The following PCDHGA3 variants were observed in gnomAD, a reference collection of about 807,000 sequenced individuals.
The protein encoded by PCDHGA3 is protocadherin gamma-A3.
Under a neutral mutation model 58.5 loss-of-function variants are expected in PCDHGA3, and 40 were observed. The ratio of observed to expected loss-of-function variants is 0.68; its 90% CI spans 0.53 to 0.89. The LOEUF (loss-of-function observed/expected upper bound fraction) is 0.89, where lower values mean the gene tolerates loss of function less well. Among genes scored for constraint, PCDHGA3 ranks in the 40% least tolerant of loss-of-function variants. The pLI, the probability that PCDHGA3 is intolerant of heterozygous loss-of-function variation, is 0.00. For missense variants in PCDHGA3, 1,223 were observed against 1,195.9 expected, an observed-to-expected ratio of 1.02 and a Z score of -0.33; for synonymous variants, 530 against 525.7, an observed-to-expected ratio of 1.01 and a Z score of -0.11.
In PCDHGA3 at chr5:141,404,747, G is replaced by A. The variant is rs142282950; in HGVS notation, c.2424+58290G>A. 3.0e-4 allele frequency: 483 copies of A among 1,614,062 alleles called. 2 individuals carry two copies. The African/African-American group carries it at 5.3e-3, about 18-fold the overall frequency. On this transcript the variant is annotated intron_variant, in intron 1 of 3. Coordinates refer to ENST00000253812, the MANE Select transcript of PCDHGA3 (RefSeq NM_018916.4). ...GGTGGTGGCAGTGGACAGAGACTCA[G>A]GCCAGAATGCTTGGCTCTCCTACCG...
chr5:141,358,067 G>A (rs78973624), intron 1 of PCDHGA3, among the ~76,000 whole-genome samples: 2,212 of 152,258 alleles, frequency 0.015, 49 homozygotes, highest in African/African-American at 0.049. Context: ...GTGTGTGCCC[G>A]TAGTCCCAGC....
At position 141,486,121 on chromosome 5, in the gene PCDHGA3, T is replaced by C. The variant is rs371827617; in HGVS notation, c.2425-8686T>C. 5.6e-6 allele frequency: 9 copies of C among 1,614,086 alleles called. No individual in the cohort carries two copies. The highest frequency in any genetic ancestry group is 2.2e-5 in the South Asian group (2 of 91,082). ...TAGACTTTGAGAGTGAGAATTACTATGAATTTGATGTGCGGGCTCGCGATG... is the reference window on the plus strand; with the variant it reads ...TAGACTTTGAGAGTGAGAATTACTACGAATTTGATGTGCGGGCTCGCGATG... On this transcript the variant is annotated intron_variant, in intron 1 of 3. Coordinates refer to ENST00000253812, the MANE Select transcript of PCDHGA3 (RefSeq NM_018916.4). This position sits in a 1 kb window ranked among gnomAD's most constrained non-coding sequence, Gnocchi z 5.0.
At chr5:141,369,788 C>G (rs187476843) in intron 1 of PCDHGA3, among the ~76,000 whole-genome samples, 1 of 152,338 alleles carries the variant, frequency 6.6e-6, no homozygotes, top group East Asian at 1.9e-4. Context: ...CCTCTTTATA[C>G]TACGTCTTCT....
Position 141,485,790 on chromosome 5 carries a change from C to G in PCDHGA3, c.2425-9017C>G. 6.2e-7 allele frequency: 1 copy of G among 1,614,204 alleles called. No homozygotes were observed. The highest frequency in any genetic ancestry group is 8.5e-7 in the Non-Finnish European group (1 of 1,180,032). ...AAGCCTTTGGATCGAGAGAAGCAAT[C>G]GGACTACCGCCTGGTGCTGACTGCT... On this transcript the variant is annotated intron_variant, in intron 1 of 3. Transcript: ENST00000253812. This position sits in a 1 kb window ranked among gnomAD's most constrained non-coding sequence, Gnocchi z 5.7.
intron 1 of PCDHGA3, chr5:141,371,721 C>A: frequency 6.2e-7 from 1 of 1,614,084 alleles, no homozygotes; most frequent in Non-Finnish European, 8.5e-7. Flanking sequence ...TCTGCACATC[C>A]TTGATGTCAA....
chr5:141,428,344 G>T (rs970552377), intron 1 of PCDHGA3: 3 of 596,498 alleles, frequency 5.0e-6, no homozygotes, highest in Non-Finnish European at 6.1e-6. Flanking sequence ...CTTCTTCCTC[G>T]CAGTGATTTT....
chr5:141,421,384 C>T (rs960627405), intron 1 of PCDHGA3: 5 of 1,613,928 alleles, frequency 3.1e-6, no homozygotes, highest in Non-Finnish European at 4.2e-6. Context: ...CTCCAAGGAC[C>T]TGGGGCTGGA....
chr5:141,368,869 C>A (rs1351748629), intron 1 of PCDHGA3, among the ~76,000 whole-genome samples: 2 of 152,124 alleles, frequency 1.3e-5, no homozygotes, highest in Non-Finnish European at 2.9e-5. Context: ...TGTTTTGGAG[C>A]AAAGTCTTGA....
intron 1 of PCDHGA3, among the ~76,000 whole-genome samples, chr5:141,443,577 G>A (rs567410923): frequency 1.3e-5 from 2 of 152,284 alleles, no homozygotes; most frequent in South Asian, 4.1e-4. Context: ...ATGGACTTGA[G>A]CTAAAACAGA....
Position 141,489,564 on chromosome 5 carries a change from G to A in PCDHGA3, c.2425-5243G>A, listed in dbSNP as rs375200685. The A allele has an allele frequency of 1.9e-6, 3 of 1,613,980 alleles. No homozygotes were observed. Among genetic ancestry groups the A allele is most frequent in the Non-Finnish European group, 1.7e-6 (2 of 1,180,020 alleles). On this transcript the variant is annotated intron_variant, in intron 1 of 3. Transcript: ENST00000253812. This position sits in a 1 kb window ranked among gnomAD's most constrained non-coding sequence, Gnocchi z 4.5. Reference sequence around the variant, plus strand: ...CCAGCTGCCTGCTGCCAGTGCAGGTGGTGACTGAACACCCCCTGGAGCTAA... The same window carrying A: ...CCAGCTGCCTGCTGCCAGTGCAGGTAGTGACTGAACACCCCCTGGAGCTAA...
At chr5:141,419,259 C>T (rs765877993) in intron 1 of PCDHGA3, 2 of 1,613,900 alleles carry the variant, frequency 1.2e-6, no homozygotes, top group South Asian at 2.2e-5. Flanking sequence ...AACAACCAGC[C>T]GGGTGCCTCC....
At chr5:141,405,038 G>T in intron 1 of PCDHGA3, 1 of 1,613,964 alleles carries the variant, frequency 6.2e-7, no homozygotes, top group Non-Finnish European at 8.5e-7. Flanking sequence ...CCTCGTTGTG[G>T]CTGTGGCAGT....
intron 1 of PCDHGA3, among the ~76,000 whole-genome samples, chr5:141,437,614 A>G (rs113599071): frequency 3.1e-4 from 47 of 152,242 alleles, no homozygotes; most frequent in Non-Finnish European, 5.1e-4. Flanking sequence ...AATCTGCTTT[A>G]TCCCCATATA....
At chr5:141,479,120 A>T (rs1278879959) in intron 1 of PCDHGA3, among the ~76,000 whole-genome samples, 1 of 152,232 alleles carries the variant, frequency 6.6e-6, no homozygotes, top group Non-Finnish European at 1.5e-5. Context: ...TTCTACTGGA[A>T]ATGATGTGCA....
intron 1 of PCDHGA3, among the ~76,000 whole-genome samples, chr5:141,455,419 G>T (rs1462099602): frequency 6.6e-6 from 1 of 152,124 alleles, no homozygotes; most frequent in Non-Finnish European, 1.5e-5. Flanking sequence ...AGGGAGCGGG[G>T]CTCCAAAAGA....
Position 141,489,748 on chromosome 5 carries a change from T to G in PCDHGA3, c.2425-5059T>G. 6.2e-7 allele frequency: 1 copy of G among 1,614,156 alleles called. No homozygotes were observed. Among genetic ancestry groups the G allele is most frequent in the African/African-American group, 1.3e-5 (1 of 75,054 alleles). On this transcript the variant is annotated intron_variant, in intron 1 of 3. Transcript: ENST00000253812. This position sits in a 1 kb window ranked among gnomAD's most constrained non-coding sequence, Gnocchi z 4.5. ...TGTGGGCACCAATACTGTGAGCTTTTACACTCTAAGCCCCAACAGCCACTT... is the reference window on the plus strand; with the variant it reads ...TGTGGGCACCAATACTGTGAGCTTTGACACTCTAAGCCCCAACAGCCACTT...
In PCDHGA3 at chr5:141,426,211, G is replaced by A. The variant is rs184669298; in HGVS notation, c.2425-68596G>A. On this transcript the variant is annotated intron_variant, in intron 1 of 3. Coordinates refer to ENST00000253812, the MANE Select transcript of PCDHGA3 (RefSeq NM_018916.4). ...TGGGAGCATTGAGTTTTCTATGTAT[G>A]GAAGTAAATATTTTAAAAGCACTTT... The A allele has an allele frequency of 7.7e-4, 121 of 157,870 alleles. 1 individual carries two copies. The highest frequency in any genetic ancestry group is 7.4e-4 in the South Asian group (4 of 5,398). 9.8% of individuals were successfully genotyped at this position (157,870 alleles called of 1,614,324 possible). A position where few individuals can be genotyped will look rare whatever the true frequency, so the allele number is the denominator to read the frequency against.
chr5:141,399,886 G>T, intron 1 of PCDHGA3: 1 of 1,612,706 alleles, frequency 6.2e-7, no homozygotes, highest in Non-Finnish European at 8.5e-7. Flanking sequence ...GGTGACCAAG[G>T]TAGTGGCCGT....
intron 1 of PCDHGA3, among the ~76,000 whole-genome samples, chr5:141,435,444 A>T (rs1471113812): frequency 1.3e-5 from 2 of 152,216 alleles, no homozygotes; most frequent in South Asian, 2.1e-4. Context: ...TTTCATTAAT[A>T]CGATATCTGT....
Sources: allele counts gnomAD v4.1 joint callset (sites outside exome capture counted in the v4.1 genomes callset), GRCh38; gene constraint gnomAD v4.1.1; non-coding constraint Gnocchi (gnomAD v3.1); transcripts MANE v1.5; gene names NCBI Gene and HGNC (gene_info 2026-07-23, HGNC 2026-07-21).